ZNF827: variants seen among roughly 807,000 people sequenced by gnomAD.
The protein encoded by ZNF827 is zinc finger protein 827.
Under a neutral mutation model 102.4 loss-of-function variants are expected in ZNF827, and 13 were observed. That is an observed-to-expected ratio of 0.13 (90% CI 0.08 to 0.20). The LOEUF (loss-of-function observed/expected upper bound fraction) is 0.20. ZNF827 is among the 10% of genes least tolerant of loss of function. ZNF827 has a pLI of 1.00. For missense variants in ZNF827, 1,103 were observed against 1,344.4 expected, an observed-to-expected ratio of 0.82 and a Z score of 2.81; for synonymous variants, 523 against 536.2, an observed-to-expected ratio of 0.98 and a Z score of 0.34.
At chr4:145,936,196 A>G (rs1456000872) in intron 1 of ZNF827, among the ~76,000 whole-genome samples, 1 of 150,882 alleles carries the variant, frequency 6.6e-6, no homozygotes, top group Non-Finnish European at 1.5e-5. Flanking sequence ...CCCCGACAAG[A>G]GCCCGGCAGC....
At chr4:145,832,623 T>C (rs2126553451) in intron 7 of ZNF827, 1 of 152,376 alleles carries the variant, frequency 6.6e-6, no homozygotes, top group Admixed American at 6.5e-5. Flanking sequence ...GTCAGGCCTC[T>C]GAGCCCAAGC....
At chr4:145,881,565 G>T in intron 4 of ZNF827, among the ~76,000 whole-genome samples, 1 of 152,172 alleles carries the variant, frequency 6.6e-6, no homozygotes, top group East Asian at 1.9e-4. Context: ...AAAAAGAAAT[G>T]ATGTAAGGCC....
At chr4:145,866,090 TG>T (rs1748164210) in intron 5 of ZNF827, among the ~76,000 whole-genome samples, 1 of 152,176 alleles carries the variant, frequency 6.6e-6, no homozygotes, top group Non-Finnish European at 1.5e-5. Flanking sequence ...GGGTTCCATA[TG>T]GGCCTCCAGC....
At chr4:145,917,089 G>T (rs369004888) in intron 1 of ZNF827, among the ~76,000 whole-genome samples, 1 of 152,106 alleles carries the variant, frequency 6.6e-6, no homozygotes, top group East Asian at 1.9e-4. Flanking sequence ...CACCAGAATT[G>T]CCCTTAATGC....
chr4:145,794,676 G>T (rs1740187776), intron 8 of ZNF827, among the ~76,000 whole-genome samples: 1 of 151,910 alleles, frequency 6.6e-6, no homozygotes, highest in African/African-American at 2.4e-5. Context: ...CTTCAGCCCG[G>T]GCGACAGGGC....
chr4:145,821,120 A>G (rs1305557743), intron 8 of ZNF827, among the ~76,000 whole-genome samples: 1 of 152,250 alleles, frequency 6.6e-6, no homozygotes, highest in Non-Finnish European at 1.5e-5. Context: ...GCAACACTTC[A>G]TAGTCAAGTA....
intron 1 of ZNF827, among the ~76,000 whole-genome samples, chr4:145,908,520 A>G (rs1752049438): frequency 6.6e-6 from 1 of 152,232 alleles, no homozygotes; most frequent in Non-Finnish European, 1.5e-5. Flanking sequence ...TCTATAGCTA[A>G]ATATCTAATG....
intron 1 of ZNF827, among the ~76,000 whole-genome samples, 153 bp downstream of exon 1, chr4:145,938,212 C>A (rs576046382): frequency 6.6e-6 from 1 of 151,964 alleles, no homozygotes; most frequent in South Asian, 2.1e-4. Flanking sequence ...TCAGCATAGA[C>A]CTAAACGAGG....
chr4:145,928,236 G>A (rs936208861), intron 1 of ZNF827, among the ~76,000 whole-genome samples: 1 of 152,140 alleles, frequency 6.6e-6, no homozygotes, highest in Non-Finnish European at 1.5e-5. Flanking sequence ...TCCTCAACTC[G>A]GGATTAAGCA....
intron 8 of ZNF827, among the ~76,000 whole-genome samples, chr4:145,806,279 G>C (rs1322669825): frequency 1.3e-5 from 2 of 150,510 alleles, no homozygotes; most frequent in Non-Finnish European, 2.9e-5. Context: ...AGCCTCCCAA[G>C]TAACTGGGAT....
chr4:145,931,412 T>C lies in ZNF827; in HGVS notation c.43+6953A>G, dbSNP rs190757338. ...TACATTAACTAAGCCAATATAGTTA[T>C]GAAATCTGATGAAAAAAAGCTCACA... On this transcript the variant is annotated intron_variant, in intron 1 of 14. Coordinates refer to ENST00000508784, the MANE Select transcript of ZNF827 (RefSeq NM_001306215.2). Among the ~76,000 whole-genome samples the C allele has an allele frequency of 2.1e-4, 32 of 152,342 alleles. 2 individuals carry two copies. Among genetic ancestry groups the C allele is most frequent in the African/African-American group, 7.5e-4 (31 of 41,584 alleles).
At chr4:145,850,973 AT>A (rs1746470836) in intron 5 of ZNF827, among the ~76,000 whole-genome samples, 1 of 152,250 alleles carries the variant, frequency 6.6e-6, no homozygotes, top group African/African-American at 2.4e-5. Flanking sequence ...TGGGTCCCAA[AT>A]CCAATGACAA....
chr4:145,873,664 T>C (rs973052694), intron 4 of ZNF827, among the ~76,000 whole-genome samples: 3 of 152,202 alleles, frequency 2.0e-5, no homozygotes, highest in African/African-American at 7.2e-5. Flanking sequence ...AGAGCAATCC[T>C]CAAATATGTA....
At position 145,790,728 on chromosome 4, in the gene ZNF827, C is replaced by T. The variant is rs182532680; in HGVS notation, c.2384-11217G>A. Among the ~76,000 whole-genome samples, 13 of 152,338 alleles carry T rather than the reference C, an allele frequency of 8.5e-5. No homozygotes were observed. The East Asian group carries it at 2.3e-3, about 27-fold the overall frequency. On this transcript the variant is annotated intron_variant, in intron 8 of 14. Transcript: ENST00000508784. ...TTCTAAATTTCCTTAAAGCCCTTAT[C>T]AGCTCCCAGACACTGCAATATTCTT...
chr4:145,916,841 G>A (rs1055275851), intron 1 of ZNF827, among the ~76,000 whole-genome samples: 1 of 152,122 alleles, frequency 6.6e-6, no homozygotes, highest in Non-Finnish European at 1.5e-5. Context: ...CCTAGTTGAT[G>A]GCTCTTAAAT....
At chr4:145,827,724 T>G (rs17745264) in intron 7 of ZNF827, among the ~76,000 whole-genome samples, 37,555 of 152,146 alleles carry the variant, frequency 0.25, 4,979 homozygotes, top group Non-Finnish European at 0.29. Flanking sequence ...AAACTAAACT[T>G]GCAGCATGCC....
At chr4:145,774,252 C>G (rs935019782) in intron 11 of ZNF827, among the ~76,000 whole-genome samples, 3 of 152,164 alleles carry the variant, frequency 2.0e-5, no homozygotes, top group Non-Finnish European at 4.4e-5. Flanking sequence ...GGATGAGCAA[C>G]AAGCAAAGAG....
rs145443446 is a variant in ZNF827, at chr4:145,761,424, C to A, written c.*192G>T. 1 of 1,289,744 alleles carries A rather than the reference C, an allele frequency of 7.8e-7. No homozygotes were observed. Among genetic ancestry groups the A allele is most frequent in the Non-Finnish European group, 1.0e-6 (1 of 988,868 alleles). 79.9% of individuals were successfully genotyped at this position (1,289,744 alleles called of 1,614,324 possible). A position where few individuals can be genotyped will look rare whatever the true frequency, so the allele number is the denominator to read the frequency against. ...TGGCGGTCTTGGACAGGTAGCCGCA[C>A]TGGTCGCACTTGTAGTGGTTGCCCA... is the stretch of plus-strand genomic sequence containing the variant. On this transcript the variant is annotated 3_prime_UTR_variant, in exon 15 of 15. Coordinates refer to ENST00000508784, the MANE Select transcript of ZNF827 (RefSeq NM_001306215.2). This position sits in a 1 kb window ranked among gnomAD's most constrained non-coding sequence, Gnocchi z 6.8.
rs541912349 is a variant in ZNF827 at position 145,863,646 on chromosome 4, T to G, written c.1981+6599A>C. Among the ~76,000 whole-genome samples, 4 of 151,668 alleles carry G rather than the reference T, an allele frequency of 2.6e-5. No homozygotes were observed. The East Asian group carries it at 5.8e-4, about 22-fold the overall frequency. ...GAAGCCAGACACAAAACACTGCATA[T>G]TGTATGATTTCATTCATATGAAACG... On this transcript the variant is annotated intron_variant, in intron 5 of 14. Coordinates refer to ENST00000508784, the MANE Select transcript of ZNF827 (RefSeq NM_001306215.2).
Sources: gnomAD v4.1 joint callset for allele counts (sites outside exome capture counted in the v4.1 genomes callset) on GRCh38, gnomAD v4.1.1 for gene constraint, Gnocchi (gnomAD v3.1) non-coding constraint, MANE v1.5 for transcripts, NCBI Gene and HGNC (gene_info 2026-07-23, HGNC 2026-07-21) for gene names.